Variants in CDH12 observed in about 807,000 individuals in gnomAD.
The protein encoded by CDH12 is cadherin-12.
A neutral mutation model predicts 74.1 loss-of-function variants in CDH12; 41 were observed. The ratio of observed to expected loss-of-function variants is 0.55; its 90% CI spans 0.43 to 0.72. The LOEUF (loss-of-function observed/expected upper bound fraction) is 0.72. CDH12 is among the 30% of genes least tolerant of loss of function. CDH12 has a pLI of 0.00. For missense variants in CDH12, 945 were observed against 977.2 expected, an observed-to-expected ratio of 0.97 and a Z score of 0.44; for synonymous variants, 399 against 355.0, an observed-to-expected ratio of 1.12 and a Z score of -1.39.
chr5:22,314,341 G>C (rs1738520939), intron 3 of CDH12, among the ~76,000 whole-genome samples: 1 of 152,136 alleles, frequency 6.6e-6, no homozygotes, highest in Non-Finnish European at 1.5e-5. Context: ...CTTTGAAGAG[G>C]TAATTCAGTT....
intron 2 of CDH12, among the ~76,000 whole-genome samples, chr5:22,449,904 A>T (rs1744976137): frequency 6.6e-6 from 1 of 151,960 alleles, no homozygotes; most frequent in African/African-American, 2.4e-5. Flanking sequence ...ATGTTGCAGT[A>T]TTATTTTATT....
intron 2 of CDH12, among the ~76,000 whole-genome samples, chr5:22,455,010 G>A (rs530887107): frequency 6.6e-6 from 1 of 152,252 alleles, no homozygotes; most frequent in East Asian, 1.9e-4. Flanking sequence ...AGAAGTAGAA[G>A]AAAATGATAC....
intron 4 of CDH12, among the ~76,000 whole-genome samples, chr5:22,207,505 G>T (rs961834243): frequency 3.3e-5 from 5 of 152,116 alleles, no homozygotes; most frequent in Non-Finnish European, 7.4e-5. Flanking sequence ...ACAAATCACG[G>T]GCTATTTTTC....
At chr5:22,095,127 T>C (rs1438356071) in intron 4 of CDH12, among the ~76,000 whole-genome samples, 5 of 152,102 alleles carry the variant, frequency 3.3e-5, no homozygotes, top group African/African-American at 7.2e-5. Context: ...CCTCCTGCTC[T>C]TTGCTCCATG....
At chr5:22,760,934 A>G (rs1392931285) in intron 1 of CDH12, among the ~76,000 whole-genome samples, 2 of 152,058 alleles carry the variant, frequency 1.3e-5, no homozygotes, top group South Asian at 2.1e-4. Context: ...ATTGACAATT[A>G]TTTTGTTCCT....
intron 1 of CDH12, among the ~76,000 whole-genome samples, chr5:22,820,956 C>T (rs868612556): frequency 6.6e-6 from 1 of 152,178 alleles, no homozygotes; most frequent in East Asian, 1.9e-4. Flanking sequence ...GACCAATACC[C>T]TTGATGAACA....
chr5:22,535,200 G>C (rs1737784507), intron 1 of CDH12, among the ~76,000 whole-genome samples: 2 of 143,472 alleles, frequency 1.4e-5, no homozygotes, highest in South Asian at 4.5e-4. Flanking sequence ...TGTCGCCCAG[G>C]CTGGACTGCA....
chr5:22,216,713 T>A (rs1301269875), intron 3 of CDH12, among the ~76,000 whole-genome samples: 15 of 151,920 alleles, frequency 9.9e-5, no homozygotes, highest in Non-Finnish European at 1.9e-4. Flanking sequence ...CAAGAGAAAT[T>A]TTTATTTTTG....
chr5:22,203,329 A>C (rs1393862613), intron 4 of CDH12, among the ~76,000 whole-genome samples: 1 of 152,082 alleles, frequency 6.6e-6, no homozygotes, highest in Non-Finnish European at 1.5e-5. Flanking sequence ...ACCGCATTTG[A>C]GTGCAATCAT....
chr5:22,299,663 C>T (rs1165342990), intron 3 of CDH12, among the ~76,000 whole-genome samples: 3 of 152,116 alleles, frequency 2.0e-5, no homozygotes, highest in Admixed American at 2.0e-4. Flanking sequence ...TTTCCCAGGT[C>T]TAAATTTCTG....
chr5:22,119,984 T>C (rs1211684451), intron 4 of CDH12, among the ~76,000 whole-genome samples: 1 of 152,172 alleles, frequency 6.6e-6, no homozygotes, highest in East Asian at 1.9e-4. Flanking sequence ...AAAAGGGTTG[T>C]TTTCTGAAAG....
At chr5:21,802,036 T>G (rs1747138380) in intron 10 of CDH12, 131 bp downstream of exon 10, 1 of 765,912 alleles carries the variant, frequency 1.3e-6, no homozygotes, top group South Asian at 1.9e-5. Context: ...GTAAAGTCAT[T>G]ATGTTTTCAA....
At chr5:22,637,895 A>G (rs976908421) in intron 1 of CDH12, among the ~76,000 whole-genome samples, 7 of 152,178 alleles carry the variant, frequency 4.6e-5, no homozygotes, top group African/African-American at 2.4e-5. Context: ...TGTTACTGCT[A>G]TTGTTGCTGT....
chr5:21,984,200 T>C (rs1412699461), intron 5 of CDH12, among the ~76,000 whole-genome samples: 1 of 152,164 alleles, frequency 6.6e-6, no homozygotes, highest in Non-Finnish European at 1.5e-5. Flanking sequence ...AAAGAATCAA[T>C]CATTTCTTCT....
intron 6 of CDH12, among the ~76,000 whole-genome samples, chr5:21,923,457 T>A (rs574197887): frequency 6.6e-6 from 1 of 152,288 alleles, no homozygotes; most frequent in Non-Finnish European, 1.5e-5. Flanking sequence ...CCCTACCACA[T>A]CTCAGCTAGT....
rs190219302 is a variant in CDH12 at position 22,294,730 on chromosome 5, G to A, written c.-332-82087C>T. ...TTTTTATATAGTGAACAAAATGGCC[G>A]TAAGGTTCTCCTCAGTTTGACTAAA... On this transcript the variant is annotated intron_variant, in intron 3 of 14. Transcript: ENST00000382254. 2.1e-3 allele frequency among the ~76,000 whole-genome samples: 321 copies of A among 152,246 alleles called. 1 individual carries two copies. The highest frequency in any genetic ancestry group is 7.2e-3 in the African/African-American group (301 of 41,552).
chr5:21,987,726 CA>C (rs1429180893), intron 5 of CDH12, among the ~76,000 whole-genome samples: 4 of 151,538 alleles, frequency 2.6e-5, no homozygotes, highest in South Asian at 2.1e-4. Flanking sequence ...ATAAGTCAAA[CA>C]TTTTTGCCAT....
intron 1 of CDH12, among the ~76,000 whole-genome samples, chr5:22,805,350 C>G (rs56270630): frequency 0.016 from 2,486 of 151,426 alleles, 72 homozygotes; most frequent in African/African-American, 0.058. Flanking sequence ...CAGAATGAAC[C>G]CATTTAAACA....
intron 5 of CDH12, among the ~76,000 whole-genome samples, chr5:21,980,044 T>C (rs1371556773): frequency 6.6e-6 from 1 of 151,914 alleles, no homozygotes; most frequent in Non-Finnish European, 1.5e-5. Context: ...CCAGTGATGA[T>C]GAGCATTTTT....
Sources: allele counts gnomAD v4.1 joint callset (sites outside exome capture counted in the v4.1 genomes callset), GRCh38; gene constraint gnomAD v4.1.1; transcripts MANE v1.5; gene names NCBI Gene and HGNC (gene_info 2026-07-23, HGNC 2026-07-21).